PRMT3: variants seen among roughly 807,000 people sequenced by gnomAD.
PRMT3 encodes the protein protein arginine N-methyltransferase 3.
A neutral mutation model predicts 71.9 loss-of-function variants in PRMT3; 62 were observed. That is an observed-to-expected ratio of 0.86 (90% CI 0.70 to 1.07). PRMT3 has a LOEUF of 1.07. PRMT3 is among the 50% of genes least tolerant of loss of function. The pLI is 0.00. For missense variants in PRMT3, 663 were observed against 643.0 expected (o/e 1.03, Z -0.34); for synonymous variants, 213 against 220.4 (o/e 0.97, Z 0.30).
intron 10 of PRMT3, among the ~76,000 whole-genome samples, chr11:20,446,222 G>A (rs1007184360): frequency 6.6e-6 from 1 of 151,998 alleles, no homozygotes; most frequent in African/African-American, 2.4e-5. Context: ...CCTGGGTATT[G>A]TGTGACTGCT....
rs146465935 is a variant in PRMT3, at chr11:20,508,354, C to T, written c.1537C>T (p.Arg513Cys). 1.2e-5 allele frequency: 20 copies of T among 1,612,572 alleles called. No homozygotes were observed. The highest frequency in any genetic ancestry group is 1.7e-5 in the Admixed American group (1 of 60,020). Residue 513 changes from arginine to cysteine, a missense_variant, in exon 16 of 16, where the codon CGT (arginine) becomes TGT (cysteine). Physicochemically the swap from Arg to Cys is radical, Grantham distance 180. Transcript: ENST00000331079. ...AGTTCACAAGAATAAGAAAGATCCACGTTCTCTCACCGTGACCCTCACGTT... is the reference window on the plus strand; with the variant it reads ...AGTTCACAAGAATAAGAAAGATCCATGTTCTCTCACCGTGACCCTCACGTT... ...VTVHKNKKDP[R>C]SLTVTLTLNN...
intron 15 of PRMT3, among the ~76,000 whole-genome samples, chr11:20,502,450 A>C (rs1340579483): frequency 1.3e-5 from 2 of 152,222 alleles, no homozygotes; most frequent in Non-Finnish European, 2.9e-5. Flanking sequence ...TTAAGAAATG[A>C]AAATCATGGT....
At chr11:20,434,540 G>A (rs770354268) in intron 10 of PRMT3, among the ~76,000 whole-genome samples, 6 of 152,080 alleles carry the variant, frequency 3.9e-5, no homozygotes, top group Non-Finnish European at 8.8e-5. Context: ...CCCATCTTGA[G>A]TTGAAAGGAA....
chr11:20,479,774 A>G (rs1850886372), intron 13 of PRMT3, among the ~76,000 whole-genome samples: 1 of 151,786 alleles, frequency 6.6e-6, no homozygotes, highest in Admixed American at 6.6e-5. Flanking sequence ...GCCACCTGCT[A>G]TAGTTACCAA....
At chr11:20,437,103 A>G (rs1041099598) in intron 10 of PRMT3, among the ~76,000 whole-genome samples, 1 of 151,998 alleles carries the variant, frequency 6.6e-6, no homozygotes, top group Admixed American at 6.6e-5. Context: ...ATTCTATGGT[A>G]TCTATTTTAA....
intron 10 of PRMT3, among the ~76,000 whole-genome samples, chr11:20,436,312 G>A (rs75022020): frequency 0.016 from 2,463 of 152,164 alleles, 68 homozygotes; most frequent in African/African-American, 0.057. Context: ...TGATTGCTCT[G>A]GCTAGTATTA....
At chr11:20,496,883 T>C (rs922874634) in intron 15 of PRMT3, among the ~76,000 whole-genome samples, 1 of 152,174 alleles carries the variant, frequency 6.6e-6, no homozygotes, top group Non-Finnish European at 1.5e-5. Context: ...AAGTTGCAAG[T>C]GATATGGAAA....
Position 20,389,834 on chromosome 11 carries a change from G to T in PRMT3, c.247+8G>T, listed in dbSNP as rs1377142973. Reference sequence around the variant, plus strand: ...GCATGGTTCATAAACATGGTGAGTAGTTTTTAGAATAAAGGCAATTTAATT... The same window carrying T: ...GCATGGTTCATAAACATGGTGAGTATTTTTTAGAATAAAGGCAATTTAATT... On this transcript the variant is annotated splice_region_variant and intron_variant, in intron 3 of 15. Coordinates refer to ENST00000331079, the MANE Select transcript of PRMT3 (RefSeq NM_005788.4). 2 of 1,593,850 alleles carry T rather than the reference G, an allele frequency of 1.3e-6. No individual in the cohort carries two copies. Among genetic ancestry groups the T allele is most frequent in the South Asian group, 2.2e-5 (2 of 90,488 alleles).
chr11:20,471,498 G>T lies in PRMT3; in HGVS notation c.1347+6952G>T, dbSNP rs185434399. On this transcript the variant is annotated intron_variant, in intron 13 of 15. Transcript: ENST00000331079. ...TTTCCCCTTTGCTTGTTTTTGTCAG[G>T]TTTTTTGAAGATCAGTTGATTGAAG... Among the ~76,000 whole-genome samples, 81 of 152,070 alleles carry T rather than the reference G, an allele frequency of 5.3e-4. 3 individuals carry two copies. The East Asian group carries it at 0.015, about 28-fold the overall frequency.
chr11:20,390,183 G>C (rs766546393), intron 3 of PRMT3, among the ~76,000 whole-genome samples: 1 of 151,832 alleles, frequency 6.6e-6, no homozygotes, highest in Non-Finnish European at 1.5e-5. Flanking sequence ...TATAAGTTCA[G>C]ATTTTATAGT....
intron 9 of PRMT3, among the ~76,000 whole-genome samples, chr11:20,417,271 C>G (rs1344242798): frequency 6.6e-6 from 1 of 152,022 alleles, no homozygotes; most frequent in Non-Finnish European, 1.5e-5. Flanking sequence ...TCTTAGGGAG[C>G]AAAAGAGAAA....
intron 6 of PRMT3, 37 bp downstream of exon 6, chr11:20,395,999 T>A: frequency 6.3e-7 from 1 of 1,598,424 alleles, no homozygotes; most frequent in Non-Finnish European, 8.6e-7. Flanking sequence ...TTGTTTTAGA[T>A]CTCCAGAATA....
chr11:20,488,190 G>A (rs1851122666), intron 13 of PRMT3, among the ~76,000 whole-genome samples: 1 of 152,064 alleles, frequency 6.6e-6, no homozygotes, highest in Admixed American at 6.6e-5. Flanking sequence ...AGTTACAATT[G>A]GGGAAAAAAT....
chr11:20,437,720 G>T (rs894801210), intron 10 of PRMT3, among the ~76,000 whole-genome samples: 11 of 152,190 alleles, frequency 7.2e-5, no homozygotes, highest in Non-Finnish European at 1.3e-4. Context: ...CTCCCGAGTA[G>T]CTGGGACTAC....
At chr11:20,445,900 A>G (rs36012630) in intron 10 of PRMT3, among the ~76,000 whole-genome samples, 3,147 of 152,250 alleles carry the variant, frequency 0.021, 111 homozygotes, top group African/African-American at 0.07. Context: ...TATATTGCCT[A>G]TAAGGATAAT....
chr11:20,507,018 A>G (rs1308480106), intron 15 of PRMT3, among the ~76,000 whole-genome samples: 1 of 152,182 alleles, frequency 6.6e-6, no homozygotes, highest in African/African-American at 2.4e-5. Context: ...TCAATGGCCA[A>G]TGGCTTTGTC....
intron 9 of PRMT3, among the ~76,000 whole-genome samples, chr11:20,412,406 C>G (rs1466988382): frequency 6.7e-6 from 1 of 150,072 alleles, no homozygotes; most frequent in African/African-American, 2.4e-5. Context: ...AACCCCCCCC[C>G]CACCTTTGTT....
intron 9 of PRMT3, among the ~76,000 whole-genome samples, chr11:20,419,900 A>C (rs987295262): frequency 6.6e-6 from 1 of 152,250 alleles, no homozygotes; most frequent in Non-Finnish European, 1.5e-5. Flanking sequence ...GGCCAGGCAC[A>C]GTGGCTCACG....
At chr11:20,466,424 C>A (rs1850513662) in intron 13 of PRMT3, among the ~76,000 whole-genome samples, 1 of 152,140 alleles carries the variant, frequency 6.6e-6, no homozygotes, top group African/African-American at 2.4e-5. Context: ...TGAACAAAAC[C>A]CTTTACTACC....
Sources: gnomAD v4.1 joint callset for allele counts (sites outside exome capture counted in the v4.1 genomes callset) on GRCh38, gnomAD v4.1.1 for gene constraint, MANE v1.5 for transcripts, NCBI Gene and HGNC (gene_info 2026-07-23, HGNC 2026-07-21) for gene names.